Variants in RBFOX3 observed in about 807,000 individuals in gnomAD.
The protein encoded by RBFOX3 is RNA binding fox-1 homolog 3.
In RBFOX3, 17 loss-of-function variants were observed where a neutral mutation model predicts 48.7. The observed-to-expected ratio is 0.35, with a 90% confidence interval of 0.24 to 0.52. The LOEUF (loss-of-function observed/expected upper bound fraction) is 0.52, where lower values mean the gene tolerates loss of function less well. RBFOX3 is among the 20% of genes least tolerant of loss of function. The probability of loss-of-function intolerance (pLI) is 0.94; values close to 1 mark genes in which losing one functional copy is unlikely to be tolerated. For synonymous variants in RBFOX3, 212 were observed against 209.5 expected (o/e 1.01, Z -0.10); for missense variants, 382 against 497.5 (o/e 0.77, Z 2.21).
intron 4 of RBFOX3, among the ~76,000 whole-genome samples, chr17:79,143,393 T>C (rs1455993747): frequency 1.4e-5 from 2 of 145,272 alleles, no homozygotes; most frequent in African/African-American, 5.1e-5. Context: ...GGGGGGGTTC[T>C]ATAAATCCAT....
intron 3 of RBFOX3, among the ~76,000 whole-genome samples, chr17:79,275,470 G>A (rs1055554642): frequency 6.6e-6 from 1 of 152,138 alleles, no homozygotes; most frequent in African/African-American, 2.4e-5. Context: ...CAACCTCCAA[G>A]ACGGTAGGCT....
rs113250450 is a variant in RBFOX3 at position 79,389,090 on chromosome 17, C to T, written c.-174-81266G>A. ...TGAGAACAGAGACGGAGGGACGAAG[C>T]GGTGGGCGCGGGGGGGCGGTGTGGC... On this transcript the variant is annotated intron_variant, in intron 2 of 14. Transcript: ENST00000693108. Among the ~76,000 whole-genome samples the T allele has an allele frequency of 5.5e-4, 81 of 148,304 alleles. 1 individual carries two copies. The highest frequency in any genetic ancestry group is 3.9e-4 in the East Asian group (2 of 5,172).
chr17:79,115,381 C>G, intron 5 of RBFOX3, 113 bp downstream of exon 5: 1 of 608,172 alleles, frequency 1.6e-6, no homozygotes, highest in Non-Finnish European at 2.4e-6. Context: ...GAGGCCCTGC[C>G]CAGGCCCCTC....
At chr17:79,397,751 G>T (rs970409323) in intron 2 of RBFOX3, among the ~76,000 whole-genome samples, 1 of 152,122 alleles carries the variant, frequency 6.6e-6, no homozygotes, top group Non-Finnish European at 1.5e-5. Flanking sequence ...TACCACCCCC[G>T]GGAGGCCTCC....
intron 1 of RBFOX3, among the ~76,000 whole-genome samples, chr17:79,490,586 C>A (rs2080338432): frequency 1.3e-5 from 2 of 152,234 alleles, no homozygotes; most frequent in East Asian, 3.9e-4. Flanking sequence ...GGGTTTCAAG[C>A]AACTCATTTA....
In RBFOX3 at chr17:79,249,682, C is replaced by T. The variant is rs2063660838; in HGVS notation, c.-73-13877G>A. Reference sequence around the variant, plus strand: ...CCAGCCAGCCCCAAAACCACTTCCCCTGCCTCGCCCGTTCCTTCCTAGGGA... The same window carrying T: ...CCAGCCAGCCCCAAAACCACTTCCCTTGCCTCGCCCGTTCCTTCCTAGGGA... On this transcript the variant is annotated intron_variant, in intron 3 of 14. Transcript: ENST00000693108. The surrounding 1 kb of genome is among the most constrained non-coding windows in gnomAD (Gnocchi z 4.1). Among the ~76,000 whole-genome samples the T allele has an allele frequency of 6.8e-6, 1 of 147,390 alleles. No individual in the cohort carries two copies. The highest frequency in any genetic ancestry group is 2.4e-5 in the African/African-American group (1 of 41,240).
chr17:79,188,223 A>G (rs1037017604), intron 4 of RBFOX3, among the ~76,000 whole-genome samples: 2 of 152,050 alleles, frequency 1.3e-5, no homozygotes, highest in African/African-American at 4.8e-5. Flanking sequence ...CCCACCCCCA[A>G]CCCCCTCTGC....
chr17:79,579,778 G>A (rs894642942), intron 1 of RBFOX3, among the ~76,000 whole-genome samples: 5 of 146,106 alleles, frequency 3.4e-5, no homozygotes, highest in African/African-American at 5.1e-5. Context: ...CACTGGCGCC[G>A]TGGTGGGGGT....
chr17:79,383,938 G>C (rs2060247812), intron 2 of RBFOX3, among the ~76,000 whole-genome samples: 1 of 152,192 alleles, frequency 6.6e-6, no homozygotes, highest in South Asian at 2.1e-4. Context: ...GTCAGAGGGG[G>C]GGGCAATCAG....
chr17:79,484,206 C>G (rs2079180484), intron 1 of RBFOX3, among the ~76,000 whole-genome samples: 2 of 152,150 alleles, frequency 1.3e-5, no homozygotes, highest in Non-Finnish European at 2.9e-5. Flanking sequence ...AATAAATCTA[C>G]CAGTTTGTTT....
chr17:79,367,708 C>T (rs571481287), intron 2 of RBFOX3, among the ~76,000 whole-genome samples: 2 of 152,212 alleles, frequency 1.3e-5, no homozygotes, highest in African/African-American at 2.4e-5. Context: ...GGAGGACAGG[C>T]AAAGGGAGCC....
chr17:79,408,996 C>A (rs1468675163), intron 2 of RBFOX3, among the ~76,000 whole-genome samples: 1 of 152,216 alleles, frequency 6.6e-6, no homozygotes, highest in South Asian at 2.1e-4. Context: ...CATCACCAGC[C>A]CCTGCCACCT....
At chr17:79,614,485 T>C (rs2093986750), upstream of RBFOX3, among the ~76,000 whole-genome samples, 1 of 139,432 alleles carries the variant, frequency 7.2e-6, no homozygotes, top group Admixed American at 7.1e-5. Flanking sequence ...GCAGCCCCCC[T>C]AAGGTGAGTA....
intron 2 of RBFOX3, among the ~76,000 whole-genome samples, chr17:79,387,458 T>C (rs1430053247): frequency 2.0e-5 from 3 of 152,196 alleles, no homozygotes; most frequent in Non-Finnish European, 4.4e-5. Flanking sequence ...ACCTCAGCTT[T>C]CCGGCAGGGC....
intron 1 of RBFOX3, among the ~76,000 whole-genome samples, chr17:79,522,601 C>T (rs1001202310): frequency 6.6e-6 from 1 of 152,074 alleles, no homozygotes; most frequent in Non-Finnish European, 1.5e-5. Context: ...TGAGAGGATA[C>T]GAGATTCACC....
At chr17:79,370,769 G>A (rs755169117) in intron 2 of RBFOX3, among the ~76,000 whole-genome samples, 21 of 151,910 alleles carry the variant, frequency 1.4e-4, no homozygotes, top group Non-Finnish European at 2.1e-4. Flanking sequence ...ACATACACAC[G>A]CACATGTCTC....
chr17:79,469,052 T>TTGACTGATCGACTGACAGAC (rs2076729602), intron 2 of RBFOX3, among the ~76,000 whole-genome samples: 3 of 152,076 alleles, frequency 2.0e-5, no homozygotes, highest in Non-Finnish European at 4.4e-5. Context: ...GACTGATTGA[T>TTGACTGATCGACTGACAGAC]TGACTGATCG....
chr17:79,138,559 C>G (rs1473416827), intron 4 of RBFOX3, among the ~76,000 whole-genome samples: 1 of 152,108 alleles, frequency 6.6e-6, no homozygotes, highest in Non-Finnish European at 1.5e-5. Context: ...TGAGCACACA[C>G]AACCAAAACA....
chr17:79,228,005 A>G (rs1388705087), intron 4 of RBFOX3, among the ~76,000 whole-genome samples: 1 of 152,166 alleles, frequency 6.6e-6, no homozygotes. Flanking sequence ...GTCAGCGTCA[A>G]TGTAAGGCCT....
Sources: gnomAD v4.1 joint callset for allele counts (sites outside exome capture counted in the v4.1 genomes callset) on GRCh38, gnomAD v4.1.1 for gene constraint, Gnocchi (gnomAD v3.1) non-coding constraint, MANE v1.5 for transcripts, NCBI Gene and HGNC (gene_info 2026-07-23, HGNC 2026-07-21) for gene names.